The following TBXAS1 variants were observed in gnomAD, a reference collection of about 807,000 sequenced individuals.
TBXAS1 encodes the protein thromboxane A synthase 1, also known as thromboxane-A synthase.
Under a neutral mutation model 60.7 loss-of-function variants are expected in TBXAS1, and 48 were observed. The ratio of observed to expected loss-of-function variants is 0.79; its 90% CI spans 0.63 to 1.01. The LOEUF is 1.01. Among genes scored for constraint, TBXAS1 ranks in the 50% least tolerant of loss-of-function variants. The probability of loss-of-function intolerance (pLI) is 0.00; values close to 1 mark genes in which losing one functional copy is unlikely to be tolerated. For missense variants in TBXAS1, 685 were observed against 686.3 expected (o/e 1.00, Z 0.02); for synonymous variants, 287 against 269.7 (o/e 1.06, Z -0.63).
At chr7:139,922,898 C>A (rs1003315768) in intron 4 of TBXAS1, among the ~76,000 whole-genome samples, 1 of 152,162 alleles carries the variant, frequency 6.6e-6, no homozygotes, top group Non-Finnish European at 1.5e-5. Context: ...TTGAATAGCA[C>A]CTTTGTCATA....
intron 3 of TBXAS1, among the ~76,000 whole-genome samples, chr7:139,887,664 C>T (rs1028013428): frequency 3.3e-5 from 5 of 152,060 alleles, no homozygotes; most frequent in Admixed American, 6.6e-5. Flanking sequence ...TTTGTTTATT[C>T]GTTTGTTTGT....
intron 4 of TBXAS1, among the ~76,000 whole-genome samples, chr7:139,812,992 G>A (rs1427262453): frequency 6.6e-6 from 1 of 151,890 alleles, no homozygotes; most frequent in Non-Finnish European, 1.5e-5. Flanking sequence ...GGGTGGCGGA[G>A]GTTGCAGTGA....
intron 1 of TBXAS1, among the ~76,000 whole-genome samples, chr7:139,831,143 T>C (rs1012396797): frequency 6.6e-6 from 1 of 152,098 alleles, no homozygotes; most frequent in African/African-American, 2.4e-5. Flanking sequence ...GAGGCCCTGG[T>C]ACAAGGTCAG....
chr7:139,806,561 C>G (rs111305594), intron 4 of TBXAS1, among the ~76,000 whole-genome samples: 1,799 of 152,150 alleles, frequency 0.012, 26 homozygotes, highest in African/African-American at 0.042. Context: ...CCGTGCCTGG[C>G]CTGTTTTTAT....
chr7:139,916,840 G>A lies in TBXAS1; in HGVS notation c.333+5519G>A, dbSNP rs1226016539. Among the ~76,000 whole-genome samples, 6 of 152,220 alleles carry A rather than the reference G, an allele frequency of 3.9e-5. No homozygotes were observed. The highest frequency in any genetic ancestry group is 7.2e-5 in the African/African-American group (3 of 41,458). On this transcript the variant is annotated intron_variant, in intron 4 of 12. Coordinates refer to ENST00000448866, the MANE Select transcript of TBXAS1 (RefSeq NM_001061.7). The surrounding 1 kb of genome is among the most constrained non-coding windows in gnomAD (Gnocchi z 4.2). Reference sequence around the variant, plus strand: ...CCTTGTGCGGGGGCCACAGGGACCCGCCTGCTGGCATCCATTGAGGAGAGA... The same window carrying A: ...CCTTGTGCGGGGGCCACAGGGACCCACCTGCTGGCATCCATTGAGGAGAGA...
rs892957209 is a variant in TBXAS1, at chr7:140,004,846, T to A, written c.1135-2245T>A. 2.0e-5 allele frequency among the ~76,000 whole-genome samples: 3 copies of A among 152,046 alleles called. No homozygotes were observed. The highest frequency in any genetic ancestry group is 7.2e-5 in the African/African-American group (3 of 41,398). ...AGGGGTGGGCAGAGGTTTGCCCCCA[T>A]CGAGAAACAGCCTCCGGCCGGCCCC... On this transcript the variant is annotated intron_variant, in intron 9 of 12. Transcript: ENST00000448866. This position sits in a 1 kb window ranked among gnomAD's most constrained non-coding sequence, Gnocchi z 5.1.
intron 4 of TBXAS1, among the ~76,000 whole-genome samples, chr7:139,813,997 G>A (rs1798087704): frequency 6.6e-6 from 1 of 152,068 alleles, no homozygotes; most frequent in Non-Finnish European, 1.5e-5. Flanking sequence ...GCTTTCTTTT[G>A]GACCGTTTGT....
rs1374809868 is a variant in TBXAS1 at position 139,798,013 on chromosome 7, C to T, written c.-80+10587C>T. ...AGCCTGGGGGTCGCCATTGTGTACACACAATAAATCTTAGTGTATCAAGAA... is the reference window on the plus strand; with the variant it reads ...AGCCTGGGGGTCGCCATTGTGTACATACAATAAATCTTAGTGTATCAAGAA... On this transcript the variant is annotated intron_variant, in intron 4 of 16. Coordinates refer to the TBXAS1 transcript ENST00000336425. 5.3e-5 allele frequency among the ~76,000 whole-genome samples: 8 copies of T among 152,284 alleles called. No individual in the cohort carries two copies. The East Asian group carries it at 1.5e-3, about 29-fold the overall frequency.
intron 5 of TBXAS1, among the ~76,000 whole-genome samples, chr7:139,948,884 C>T (rs759477915): frequency 2.7e-4 from 41 of 152,196 alleles, no homozygotes; most frequent in Non-Finnish European, 5.6e-4. Context: ...GGAAGAAAAC[C>T]TGAAATGATG....
At chr7:139,945,277 A>G (rs886761457) in intron 5 of TBXAS1, among the ~76,000 whole-genome samples, 5 of 152,212 alleles carry the variant, frequency 3.3e-5, no homozygotes, top group Non-Finnish European at 7.4e-5. Flanking sequence ...GGAATCTTCA[A>G]ATGTCAGTGG....
chr7:139,934,778 T>C (rs772859169), intron 4 of TBXAS1, among the ~76,000 whole-genome samples: 1 of 152,174 alleles, frequency 6.6e-6, no homozygotes, highest in African/African-American at 2.4e-5. Flanking sequence ...CCAGTCATGT[T>C]GGATTAGGGC....
At chr7:139,891,746 G>A (rs140769557) in intron 3 of TBXAS1, among the ~76,000 whole-genome samples, 96 of 152,278 alleles carry the variant, frequency 6.3e-4, no homozygotes, top group African/African-American at 1.9e-3. Flanking sequence ...TATCTGTTGC[G>A]TGAACAGAAG....
intron 12 of TBXAS1, 77 bp downstream of exon 12, chr7:140,017,910 C>A: frequency 6.3e-7 from 1 of 1,599,634 alleles, no homozygotes; most frequent in Non-Finnish European, 8.6e-7. Context: ...TGAGAGCAGG[C>A]CAGCCTGGGG....
chr7:139,821,601 G>A (rs911293069), intron 4 of TBXAS1, among the ~76,000 whole-genome samples: 2 of 152,310 alleles, frequency 1.3e-5, no homozygotes, highest in South Asian at 4.1e-4. Context: ...CACAGGCAGG[G>A]GAAACACACA....
In TBXAS1 at chr7:140,009,401, C is replaced by A. The variant is rs111321069; in HGVS notation, c.1226+2219C>A. 8.6e-3 allele frequency among the ~76,000 whole-genome samples: 1,303 copies of A among 152,248 alleles called. 9 individuals are homozygous for A. The highest frequency in any genetic ancestry group is 0.02 in the Middle Eastern group (6 of 294). On this transcript the variant is annotated intron_variant, in intron 10 of 12. Coordinates refer to ENST00000448866, the MANE Select transcript of TBXAS1 (RefSeq NM_001061.7). Reference sequence around the variant, plus strand: ...ACACACACCTGCTTGGCTGGCCCTGCAGAAGCAGGCAAGAGGCAGTGGGTG... The same window carrying A: ...ACACACACCTGCTTGGCTGGCCCTGAAGAAGCAGGCAAGAGGCAGTGGGTG...
chr7:140,014,028 G>A (rs184145316), intron 10 of TBXAS1, among the ~76,000 whole-genome samples: 1 of 152,326 alleles, frequency 6.6e-6, no homozygotes, highest in East Asian at 1.9e-4. Flanking sequence ...AAGCACCTGG[G>A]TCTTGCTCCA....
At chr7:139,838,772 G>T (rs1469158198) in intron 1 of TBXAS1, among the ~76,000 whole-genome samples, 1 of 152,108 alleles carries the variant, frequency 6.6e-6, no homozygotes, top group Non-Finnish European at 1.5e-5. Flanking sequence ...GATTTAAACC[G>T]ACCAGTGTGT....
At chr7:139,906,068 A>AT in intron 3 of TBXAS1, 1 of 380,424 alleles carries the variant, frequency 2.6e-6, no homozygotes, top group Admixed American at 3.4e-5. Flanking sequence ...TTACTCTAGC[A>AT]TCTTTTTTTT....
intron 12 of TBXAS1, 117 bp downstream of exon 12, chr7:140,017,950 G>A (rs1815230079): frequency 1.4e-6 from 2 of 1,430,774 alleles, no homozygotes; most frequent in South Asian, 2.4e-5. Flanking sequence ...CCGTGAGCTT[G>A]GGCAAGCTCC....
Sources: gnomAD v4.1 joint callset for allele counts (sites outside exome capture counted in the v4.1 genomes callset) on GRCh38, gnomAD v4.1.1 for gene constraint, Gnocchi (gnomAD v3.1) non-coding constraint, MANE v1.5 for transcripts, NCBI Gene and HGNC (gene_info 2026-07-23, HGNC 2026-07-21) for gene names.